Variants in MALRD1 observed in about 807,000 individuals in gnomAD.
MALRD1 encodes MAM and LDL-receptor class A domain-containing protein 1.
Under a neutral mutation model 242.1 loss-of-function variants are expected in MALRD1, and 247 were observed. That is an observed-to-expected ratio of 1.02 (90% CI 0.92 to 1.13). The LOEUF (loss-of-function observed/expected upper bound fraction) is 1.13. Ranked by LOEUF, MALRD1 falls within the 50% of genes most tolerant of loss-of-function variation. The pLI is 0.00. For missense variants in MALRD1, 2,989 were observed against 2,533.1 expected, an observed-to-expected ratio of 1.18 and a Z score of -3.86; for synonymous variants, 995 against 866.6, an observed-to-expected ratio of 1.15 and a Z score of -2.60.
chr10:19,501,851 G>A (rs895699641), intron 31 of MALRD1, among the ~76,000 whole-genome samples: 2 of 151,754 alleles, frequency 1.3e-5, no homozygotes, highest in Non-Finnish European at 2.9e-5. Context: ...GGGCAACATA[G>A]TGAAACCCCA....
At chr10:19,541,043 G>C (rs1054068715) in intron 32 of MALRD1, among the ~76,000 whole-genome samples, 4 of 152,104 alleles carry the variant, frequency 2.6e-5, no homozygotes, top group Non-Finnish European at 5.9e-5. Flanking sequence ...GAAACATCAG[G>C]CCTTTTTATT....
intron 18 of MALRD1, among the ~76,000 whole-genome samples, chr10:19,251,353 C>G (rs1839284497): frequency 6.6e-6 from 1 of 151,942 alleles, no homozygotes; most frequent in Non-Finnish European, 1.5e-5. Flanking sequence ...AAAATAAGCT[C>G]TTCTTGCCAC....
At chr10:19,395,746 A>T (rs1394826509) in intron 28 of MALRD1, among the ~76,000 whole-genome samples, 2 of 152,202 alleles carry the variant, frequency 1.3e-5, no homozygotes, top group Non-Finnish European at 2.9e-5. Context: ...ATATTTCTTT[A>T]TATCATCTTG....
chr10:19,427,106 C>G (rs1479641423), intron 28 of MALRD1, among the ~76,000 whole-genome samples: 2 of 152,092 alleles, frequency 1.3e-5, no homozygotes, highest in African/African-American at 4.8e-5. Context: ...ATTTTATATT[C>G]TAGTTCCTCC....
chr10:19,664,198 T>C (rs117119857), intron 36 of MALRD1, among the ~76,000 whole-genome samples: 4,575 of 152,034 alleles, frequency 0.03, 77 homozygotes, highest in Non-Finnish European at 0.045. Context: ...AAGACTCTAA[T>C]GTCATAGTAT....
intron 36 of MALRD1, among the ~76,000 whole-genome samples, chr10:19,668,726 T>G (rs1841789452): frequency 6.6e-6 from 1 of 151,962 alleles, no homozygotes; most frequent in Non-Finnish European, 1.5e-5. Context: ...CTCAAAAATT[T>G]TAGACATTGA....
intron 29 of MALRD1, among the ~76,000 whole-genome samples, chr10:19,471,813 G>C (rs1836513014): frequency 6.6e-6 from 1 of 151,130 alleles, no homozygotes; most frequent in South Asian, 2.1e-4. Flanking sequence ...ATTCTAACAG[G>C]GTTTTCTTTG....
intron 29 of MALRD1, among the ~76,000 whole-genome samples, chr10:19,486,646 T>A (rs1463379420): frequency 1.3e-5 from 2 of 152,166 alleles, no homozygotes; most frequent in African/African-American, 4.8e-5. Context: ...TAGAAATGCA[T>A]GTCCATATGA....
chr10:19,237,775 A>G (rs1195216875), intron 18 of MALRD1, among the ~76,000 whole-genome samples: 5 of 115,878 alleles, frequency 4.3e-5, no homozygotes, highest in Non-Finnish European at 8.5e-5. Flanking sequence ...ATATAAAAAC[A>G]TAATTATTTA....
At chr10:19,468,747 A>G (rs1836350348) in intron 29 of MALRD1, among the ~76,000 whole-genome samples, 1 of 152,048 alleles carries the variant, frequency 6.6e-6, no homozygotes, top group Non-Finnish European at 1.5e-5. Flanking sequence ...CTGTATCTCT[A>G]GTCTTTACAA....
chr10:19,114,136 A>T (rs1459590154), intron 5 of MALRD1, among the ~76,000 whole-genome samples: 3 of 152,220 alleles, frequency 2.0e-5, no homozygotes, highest in African/African-American at 7.2e-5. Context: ...TTGTGCTAAG[A>T]ATATTATATT....
chr10:19,098,672 C>T (rs1460328167), intron 4 of MALRD1, among the ~76,000 whole-genome samples: 1 of 152,088 alleles, frequency 6.6e-6, no homozygotes, highest in Non-Finnish European at 1.5e-5. Flanking sequence ...TGTTTATACT[C>T]ACTCTGAAGC....
chr10:19,587,471 A>T (rs759620498), intron 33 of MALRD1, among the ~76,000 whole-genome samples: 13 of 152,216 alleles, frequency 8.5e-5, no homozygotes, highest in Non-Finnish European at 1.3e-4. Flanking sequence ...TTCTCTAAAC[A>T]TATTAATCAT....
chr10:19,519,456 T>C lies in MALRD1; in HGVS notation c.5321-11738T>C, dbSNP rs552057158. Among the ~76,000 whole-genome samples the C allele has an allele frequency of 3.3e-5, 5 of 152,278 alleles. No homozygotes were observed. In the South Asian group the frequency reaches 1.0e-3, roughly 32 times the overall value. On this transcript the variant is annotated intron_variant, in intron 31 of 39. Coordinates refer to ENST00000454679, the MANE Select transcript of MALRD1 (RefSeq NM_001142308.3). ...ATACTTTGAAAAATCTTTAGTATCATCTTTTAAAAATAATTTGGTTCTAGA... is the reference window on the plus strand; with the variant it reads ...ATACTTTGAAAAATCTTTAGTATCACCTTTTAAAAATAATTTGGTTCTAGA...
chr10:19,299,808 C>A (rs1278367855), intron 21 of MALRD1, among the ~76,000 whole-genome samples: 1 of 151,866 alleles, frequency 6.6e-6, no homozygotes, highest in Non-Finnish European at 1.5e-5. Context: ...AGAACCAGAA[C>A]AAGACAAGGA....
chr10:19,436,072 T>C (rs542475275), intron 28 of MALRD1, among the ~76,000 whole-genome samples: 53 of 152,114 alleles, frequency 3.5e-4, no homozygotes, highest in Non-Finnish European at 6.6e-4. Context: ...ATTGTGGGAA[T>C]TTATTTATTT....
chr10:19,295,672 G>A (rs533231468), intron 21 of MALRD1, among the ~76,000 whole-genome samples: 3 of 152,244 alleles, frequency 2.0e-5, no homozygotes, highest in South Asian at 2.1e-4. Flanking sequence ...GTTTTGCAAA[G>A]GAAGGATCTT....
chr10:19,110,087 G>A (rs1311357561), intron 5 of MALRD1, among the ~76,000 whole-genome samples: 1 of 152,158 alleles, frequency 6.6e-6, no homozygotes, highest in Non-Finnish European at 1.5e-5. Context: ...CAGGGTCACT[G>A]CTATTCCCCT....
intron 11 of MALRD1, among the ~76,000 whole-genome samples, chr10:19,153,151 C>T (rs748404608): frequency 2.1e-4 from 32 of 152,140 alleles, no homozygotes; most frequent in Admixed American, 1.1e-3. Flanking sequence ...CTAAATTAAA[C>T]CAAACCTACA....
Sources: allele counts gnomAD v4.1 joint callset (sites outside exome capture counted in the v4.1 genomes callset), GRCh38; gene constraint gnomAD v4.1.1; transcripts MANE v1.5; gene names NCBI Gene and HGNC (gene_info 2026-07-23, HGNC 2026-07-21).